The following MRTFA variants were observed in gnomAD, a reference collection of about 807,000 sequenced individuals.
The protein encoded by MRTFA is myocardin-related transcription factor A.
A neutral mutation model predicts 83.5 loss-of-function variants in MRTFA; 20 were observed. The observed-to-expected ratio is 0.24, with a 90% CI of 0.17 to 0.35. The LOEUF (loss-of-function observed/expected upper bound fraction) is 0.35, where lower values mean the gene tolerates loss of function less well. MRTFA is among the 10% of genes least tolerant of loss of function. The pLI, the probability that MRTFA is intolerant of heterozygous loss-of-function variation, is 1.00. For missense variants in MRTFA, 1,200 were observed against 1,224.7 expected (o/e 0.98, Z 0.30); for synonymous variants, 659 against 541.2 (o/e 1.22, Z -3.02).
intron 4 of MRTFA, among the ~76,000 whole-genome samples, chr22:40,462,135 A>G (rs1040834004): frequency 1.3e-5 from 2 of 152,208 alleles, no homozygotes; most frequent in Admixed American, 6.5e-5. Flanking sequence ...CCTATTACTT[A>G]TTAACACACC....
Position 40,423,659 on chromosome 22 carries a change from C to A in MRTFA, c.804G>T (p.Arg268=). The change falls in exon 9 of 15, where the codon CGG becomes CGT. Residue 268 remains arginine (R), a synonymous_variant. Transcript: ENST00000355630. ...CCAGGAAAAGCATTTCTCTGGAATC[C>A]CGGCCCATCGGAAGTTGAGACACAA... 6.3e-7 allele frequency: 1 copy of A among 1,576,360 alleles called. No homozygotes were observed.
intron 1 of MRTFA, among the ~76,000 whole-genome samples, chr22:40,615,552 G>A (rs1184107342): frequency 6.6e-6 from 1 of 152,158 alleles, no homozygotes; most frequent in African/African-American, 2.4e-5. Context: ...ATTATTTGGG[G>A]AAGACTGGAC....
chr22:40,587,721 T>C (rs1039037716), intron 2 of MRTFA: 1 of 332,256 alleles, frequency 3.0e-6, no homozygotes, highest in Non-Finnish European at 6.0e-6. Context: ...TGACAGATAT[T>C]TCCAAAAGCA....
At chr22:40,486,433 G>C (rs1202373696) in intron 3 of MRTFA, among the ~76,000 whole-genome samples, 1 of 152,140 alleles carries the variant, frequency 6.6e-6, no homozygotes, top group African/African-American at 2.4e-5. Flanking sequence ...GCTGGTGACT[G>C]GTCTCAACAA....
intron 2 of MRTFA, among the ~76,000 whole-genome samples, chr22:40,592,717 T>C (rs1476019659): frequency 6.6e-6 from 1 of 151,992 alleles, no homozygotes; most frequent in Middle Eastern, 3.2e-3. Context: ...GGTTTCAAAC[T>C]CCTGGATTCA....
At chr22:40,485,975 T>C (rs759024331) in intron 3 of MRTFA, among the ~76,000 whole-genome samples, 3 of 152,202 alleles carry the variant, frequency 2.0e-5, no homozygotes, top group Non-Finnish European at 4.4e-5. Context: ...TGGTAGCTTT[T>C]CAACCTGGCA....
intron 3 of MRTFA, among the ~76,000 whole-genome samples, chr22:40,500,942 G>C (rs1400819248): frequency 2.7e-5 from 4 of 146,552 alleles, no homozygotes; most frequent in African/African-American, 1.0e-4. Flanking sequence ...GCCGGGCAGA[G>C]GGGCTCCTCA....
At chr22:40,594,046 T>A (rs1290091314) in intron 2 of MRTFA, among the ~76,000 whole-genome samples, 1 of 152,226 alleles carries the variant, frequency 6.6e-6, no homozygotes, top group Non-Finnish European at 1.5e-5. Context: ...GCACCTGACA[T>A]AAGACAGATA....
intron 3 of MRTFA, among the ~76,000 whole-genome samples, chr22:40,510,967 A>G (rs2054657521): frequency 6.6e-6 from 1 of 152,228 alleles, no homozygotes; most frequent in Admixed American, 6.5e-5. Context: ...TGGAAGTGAT[A>G]TGAGATAACC....
chr22:40,458,133 CAG>C (rs759265500), intron 4 of MRTFA, among the ~76,000 whole-genome samples: 6 of 152,088 alleles, frequency 3.9e-5, no homozygotes, highest in Non-Finnish European at 7.4e-5. Context: ...ATTTCAAGAC[CAG>C]CTCCCTATCT....
At chr22:40,607,233 G>A (rs571576290) in intron 1 of MRTFA, among the ~76,000 whole-genome samples, 6 of 152,210 alleles carry the variant, frequency 3.9e-5, no homozygotes, top group Admixed American at 2.6e-4. Context: ...GGCCGGGTGC[G>A]GTGGCTCACG....
intron 2 of MRTFA, among the ~76,000 whole-genome samples, chr22:40,562,943 G>A (rs1334309304): frequency 6.6e-6 from 1 of 152,038 alleles, no homozygotes; most frequent in Non-Finnish European, 1.5e-5. Flanking sequence ...ATAGCCAATG[G>A]CAAAAAATAA....
chr22:40,475,808 G>A (rs1602304879), intron 3 of MRTFA, among the ~76,000 whole-genome samples: 2 of 152,342 alleles, frequency 1.3e-5, no homozygotes, highest in East Asian at 3.9e-4. Flanking sequence ...GAGAAAAAGA[G>A]AAACAAGATC....
At chr22:40,569,772 CATACAT>C (rs2055762300) in intron 2 of MRTFA, 2 of 111,260 alleles carry the variant, frequency 1.8e-5, no homozygotes, top group African/African-American at 6.4e-5. Flanking sequence ...TACATACATA[CATACAT>C]CAAGGGGGTG....
At chr22:40,527,632 G>A (rs542663309) in intron 3 of MRTFA, among the ~76,000 whole-genome samples, 60 of 151,704 alleles carry the variant, frequency 4.0e-4, no homozygotes, top group Admixed American at 1.4e-3. Context: ...GGTGGTGGGC[G>A]CCTGTAGTCC....
chr22:40,479,456 C>G (rs1206292646), intron 3 of MRTFA, among the ~76,000 whole-genome samples: 1 of 152,164 alleles, frequency 6.6e-6, no homozygotes, highest in Non-Finnish European at 1.5e-5. Context: ...CTCTTTCTCA[C>G]GAGAGAGAGC....
intron 4 of MRTFA, among the ~76,000 whole-genome samples, chr22:40,444,374 G>A (rs1165475697): frequency 1.3e-5 from 2 of 152,132 alleles, no homozygotes; most frequent in African/African-American, 4.8e-5. Flanking sequence ...AAAAGAGGGT[G>A]GGGCTGAAAC....
At position 40,627,919 on chromosome 22, in the gene MRTFA, T is replaced by A. The variant is rs573746165; in HGVS notation, c.-84+8559A>T. On this transcript the variant is annotated intron_variant, in intron 1 of 14. Coordinates refer to ENST00000355630, the MANE Select transcript of MRTFA (RefSeq NM_020831.6). ...ACAGGAGTTTGAGGACACAGTGAGC[T>A]ATGACCCTGCCACTACACTCATGTC... 1.9e-4 allele frequency among the ~76,000 whole-genome samples: 29 copies of A among 152,186 alleles called. No individual in the cohort carries two copies. The South Asian group carries it at 5.8e-3, about 31-fold the overall frequency.
chr22:40,549,078 T>C (rs1357482346), intron 3 of MRTFA, among the ~76,000 whole-genome samples: 1 of 152,120 alleles, frequency 6.6e-6, no homozygotes, highest in African/African-American at 2.4e-5. Context: ...GTTTGTTTTT[T>C]TTAAGAGACA....
Sources: allele counts gnomAD v4.1 joint callset (sites outside exome capture counted in the v4.1 genomes callset), GRCh38; gene constraint gnomAD v4.1.1; transcripts MANE v1.5; gene names NCBI Gene and HGNC (gene_info 2026-07-23, HGNC 2026-07-21).